Variants in AMBRA1 observed in about 807,000 individuals in gnomAD.
AMBRA1 encodes the protein autophagy and beclin 1 regulator 1.
AMBRA1 carries 47 observed loss-of-function variants against 125.4 expected under a neutral mutation model. The ratio of observed to expected loss-of-function variants is 0.37; its 90% CI spans 0.30 to 0.48. The LOEUF (loss-of-function observed/expected upper bound fraction) is 0.48, where lower values mean the gene tolerates loss of function less well. AMBRA1 is among the 20% of genes least tolerant of loss of function. AMBRA1 has a pLI of 0.99. For missense variants in AMBRA1, 1,331 were observed against 1,693.4 expected (o/e 0.79, Z 3.76); for synonymous variants, 626 against 655.5 (o/e 0.95, Z 0.69).
intron 11 of AMBRA1, among the ~76,000 whole-genome samples, chr11:46,448,216 C>T (rs1948405972): frequency 6.6e-6 from 1 of 152,162 alleles, no homozygotes; most frequent in African/African-American, 2.4e-5. Context: ...CCACAAAACA[C>T]AATGTAACAA....
At chr11:46,482,281 T>G (rs967060578) in intron 11 of AMBRA1, among the ~76,000 whole-genome samples, 2 of 152,250 alleles carry the variant, frequency 1.3e-5, no homozygotes, top group South Asian at 2.1e-4. Flanking sequence ...AATGCTGTTA[T>G]AGAACTGTCA....
At chr11:46,550,649 A>C (rs1415201975) in intron 1 of AMBRA1, among the ~76,000 whole-genome samples, 1 of 152,152 alleles carries the variant, frequency 6.6e-6, no homozygotes, top group Non-Finnish European at 1.5e-5. Flanking sequence ...ACAAATAATA[A>C]ATTTCCCTTA....
intron 1 of AMBRA1, among the ~76,000 whole-genome samples, chr11:46,559,241 A>C (rs890054312): frequency 6.6e-6 from 1 of 152,040 alleles, no homozygotes; most frequent in African/African-American, 2.4e-5. Flanking sequence ...CAGAGGTTGC[A>C]GTGAGCCGAG....
intron 1 of AMBRA1, among the ~76,000 whole-genome samples, chr11:46,584,032 C>T (rs893806919): frequency 4.1e-5 from 6 of 146,032 alleles, no homozygotes; most frequent in African/African-American, 1.5e-4. Flanking sequence ...GGTATATACC[C>T]AAAGGACTAT....
At chr11:46,540,161 AATAGAGTTT>A (rs1289667662) in intron 7 of AMBRA1, among the ~76,000 whole-genome samples, 5 of 152,300 alleles carry the variant, frequency 3.3e-5, no homozygotes, top group Admixed American at 2.6e-4. Context: ...ATCATCAAAC[AATAGAGTTT>A]ATTTAAACCA....
intron 7 of AMBRA1, among the ~76,000 whole-genome samples, chr11:46,524,854 C>T (rs964495933): frequency 6.6e-6 from 1 of 152,208 alleles, no homozygotes. Context: ...AACAGGGGTA[C>T]CTGAGCCGTG....
chr11:46,586,492 A>G (rs2044406106), intron 1 of AMBRA1, among the ~76,000 whole-genome samples: 1 of 151,794 alleles, frequency 6.6e-6, no homozygotes. Context: ...CTTTTACTTT[A>G]TTTTGAAGGG....
intron 7 of AMBRA1, among the ~76,000 whole-genome samples, chr11:46,538,656 G>A (rs1445385008): frequency 6.6e-6 from 1 of 152,012 alleles, no homozygotes; most frequent in African/African-American, 2.4e-5. Flanking sequence ...CACCATGCCT[G>A]GCTAATTTTT....
At position 46,397,432 on chromosome 11, in the gene AMBRA1, C is replaced by T. The variant is rs373223606; in HGVS notation, c.*18G>A. On this transcript the variant is annotated 3_prime_UTR_variant, in exon 18 of 18. Transcript: ENST00000683756. ...CTGCTTGGCGGTTCGAGGGGAGGCA[C>T]CAGTGCAACGTTTGTCTCTACCTGT... The T allele has an allele frequency of 3.9e-5, 57 of 1,473,394 alleles. No individual in the cohort carries two copies. Among genetic ancestry groups the T allele is most frequent in the Non-Finnish European group, 3.5e-5 (39 of 1,109,250 alleles). The allele number at this position is 1,473,394 out of a possible 1,614,324, so 91.3% of individuals were successfully genotyped here.
intron 1 of AMBRA1, among the ~76,000 whole-genome samples, chr11:46,567,692 C>T (rs1336103915): frequency 6.6e-5 from 10 of 151,526 alleles, no homozygotes. Context: ...TTTTGCACTT[C>T]TGATGACAAG....
At chr11:46,571,693 T>C (rs2135276443) in intron 1 of AMBRA1, among the ~76,000 whole-genome samples, 1 of 117,280 alleles carries the variant, frequency 8.5e-6, no homozygotes, top group Admixed American at 9.6e-5. Flanking sequence ...CAATCTTTTT[T>C]TTTTTTTTTT....
chr11:46,484,604 C>T (rs942214173), intron 11 of AMBRA1, among the ~76,000 whole-genome samples: 3 of 151,974 alleles, frequency 2.0e-5, no homozygotes, highest in African/African-American at 7.2e-5. Context: ...ACAGTGTATA[C>T]GCATTCCCTT....
At chr11:46,547,487 C>T in intron 3 of AMBRA1, 191 bp from the exon 4 acceptor site, 1 of 598,664 alleles carries the variant, frequency 1.7e-6, no homozygotes, top group Non-Finnish European at 2.8e-6. Context: ...CTTGTCCACA[C>T]TGTCCCCAAA....
chr11:46,419,133 GCA>G (rs1290997205), intron 14 of AMBRA1, among the ~76,000 whole-genome samples: 1 of 152,198 alleles, frequency 6.6e-6, no homozygotes. Flanking sequence ...GAACATTCAG[GCA>G]CACAACTTGT....
intron 15 of AMBRA1, among the ~76,000 whole-genome samples, chr11:46,413,396 G>T (rs756057802): frequency 6.6e-6 from 1 of 152,208 alleles, no homozygotes; most frequent in Non-Finnish European, 1.5e-5. Flanking sequence ...ACTACAATGA[G>T]CTCATGGATT....
intron 14 of AMBRA1, among the ~76,000 whole-genome samples, chr11:46,420,172 A>T (rs538238319): frequency 6.6e-6 from 1 of 152,206 alleles, no homozygotes; most frequent in Non-Finnish European, 1.5e-5. Flanking sequence ...GCCCTGTGGC[A>T]GCTGCATTAG....
intron 12 of AMBRA1, among the ~76,000 whole-genome samples, chr11:46,441,493 G>C (rs968873014): frequency 6.6e-6 from 1 of 151,902 alleles, no homozygotes; most frequent in Non-Finnish European, 1.5e-5. Flanking sequence ...CCAGCCTGGT[G>C]ACAGAGCAAG....
At chr11:46,528,217 G>A (rs1952062328) in intron 7 of AMBRA1, among the ~76,000 whole-genome samples, 1 of 152,162 alleles carries the variant, frequency 6.6e-6, no homozygotes, top group Non-Finnish European at 1.5e-5. Flanking sequence ...TTGTCACCCA[G>A]GTTGGAGTGC....
chr11:46,589,720 C>T (rs191158106), intron 1 of AMBRA1, among the ~76,000 whole-genome samples: 281 of 151,924 alleles, frequency 1.8e-3, no homozygotes, highest in African/African-American at 6.7e-3. Context: ...ACCGGGTTCA[C>T]GCCATTCTCC....
Sources: allele counts gnomAD v4.1 joint callset (sites outside exome capture counted in the v4.1 genomes callset), GRCh38; gene constraint gnomAD v4.1.1; transcripts MANE v1.5; gene names NCBI Gene and HGNC (gene_info 2026-07-23, HGNC 2026-07-21).